The following COG6 variants were observed in gnomAD, a reference collection of about 807,000 sequenced individuals.
COG6 encodes component of oligomeric golgi complex 6, also known as conserved oligomeric Golgi complex subunit 6.
Under a neutral mutation model 88.8 loss-of-function variants are expected in COG6, and 74 were observed. The ratio of observed to expected loss-of-function variants is 0.83; its 90% CI spans 0.69 to 1.01. COG6 has a LOEUF of 1.01. Among genes scored for constraint, COG6 ranks in the 50% least tolerant of loss-of-function variants. The pLI is 0.00. For synonymous variants in COG6, 286 were observed against 278.7 expected (o/e 1.03, Z -0.26); for missense variants, 800 against 797.9 (o/e 1.00, Z -0.03).
chr13:39,669,822 T>C (rs1415923246), intron 4 of COG6, among the ~76,000 whole-genome samples: 1 of 152,210 alleles, frequency 6.6e-6, no homozygotes, highest in African/African-American at 2.4e-5. Context: ...TGAAAATTTA[T>C]GACATTCTGG....
chr13:39,666,137 A>G (rs1421302912), intron 4 of COG6, among the ~76,000 whole-genome samples: 4 of 152,220 alleles, frequency 2.6e-5, no homozygotes, highest in Admixed American at 6.5e-5. Flanking sequence ...TTTGTAGTTC[A>G]GGTCAAGATC....
intron 18 of COG6, among the ~76,000 whole-genome samples, chr13:39,776,473 G>C (rs1339846755): frequency 6.6e-6 from 1 of 152,186 alleles, no homozygotes; most frequent in African/African-American, 2.4e-5. Flanking sequence ...GTTATTGTTA[G>C]ATATTAGCCC....
At chr13:39,683,991 TG>T (rs1246778937) in intron 8 of COG6, among the ~76,000 whole-genome samples, 1 of 152,172 alleles carries the variant, frequency 6.6e-6, no homozygotes, top group Non-Finnish European at 1.5e-5. Flanking sequence ...AGGGTTGATG[TG>T]AAGATTAAGT....
intron 18 of COG6, among the ~76,000 whole-genome samples, chr13:39,781,231 C>T (rs1385855752): frequency 6.6e-6 from 1 of 152,072 alleles, no homozygotes; most frequent in African/African-American, 2.4e-5. Context: ...AGCTGCTACC[C>T]ACATAATACA....
At position 39,727,558 on chromosome 13, in the gene COG6, T is replaced by G. The variant is rs761944744; in HGVS notation, c.1826+10T>G. On this transcript the variant is annotated intron_variant, in intron 18 of 18. Transcript: ENST00000455146. ...TAAGTGCCACAGTGAAGTAAGTATT[T>G]TTGGTCCCAAGTAGTTGGTAAAGAT... 6.2e-7 allele frequency: 1 copy of G among 1,601,214 alleles called. No individual in the cohort carries two copies. Among genetic ancestry groups the G allele is most frequent in the African/African-American group, 1.3e-5 (1 of 74,644 alleles).
At chr13:39,698,385 A>T (rs1593433931) in intron 12 of COG6, among the ~76,000 whole-genome samples, 1 of 151,934 alleles carries the variant, frequency 6.6e-6, no homozygotes, top group East Asian at 1.9e-4. Context: ...TTTTTAACTA[A>T]AATACTTATT....
chr13:39,769,915 C>T (rs1230942396), intron 18 of COG6, among the ~76,000 whole-genome samples: 1 of 152,174 alleles, frequency 6.6e-6, no homozygotes, highest in Non-Finnish European at 1.5e-5. Context: ...TCTTGGACTT[C>T]CCAGCTCCTA....
intron 2 of COG6, 142 bp downstream of exon 2, chr13:39,659,649 C>A: frequency 1.5e-6 from 1 of 659,174 alleles, no homozygotes; most frequent in Admixed American, 2.7e-5. Context: ...ATTTCTCTTG[C>A]TGCATCTAGA....
intron 18 of COG6, among the ~76,000 whole-genome samples, chr13:39,731,467 C>G (rs1879450470): frequency 6.6e-6 from 1 of 152,114 alleles, no homozygotes; most frequent in Admixed American, 6.5e-5. Flanking sequence ...CAATATTCAC[C>G]TTATAGCAAT....
exon 19 of COG6, chr13:39,789,759 C>A (rs549819531): frequency 1.0e-4 from 16 of 152,390 alleles, no homozygotes; most frequent in Admixed American, 8.5e-4. Context: ...GAGCCACGTT[C>A]GTCAGGGATA....
At position 39,687,585 on chromosome 13, in the gene COG6, G is replaced by A. The variant is rs778787139; in HGVS notation, c.871G>A (p.Gly291Arg). 73 of 1,613,562 alleles carry A rather than the reference G, an allele frequency of 4.5e-5. No individual in the cohort carries two copies. The highest frequency in any genetic ancestry group is 6.6e-5 in the South Asian group (6 of 91,024). The change falls in exon 9 of 19, where the codon GGA (glycine) becomes AGA (arginine). Residue 291 changes from glycine (G) to arginine (R), a missense_variant. Coordinates refer to ENST00000455146, the MANE Select transcript of COG6 (RefSeq NM_020751.3). Reference protein sequence around the residue: ...FIDALTRGGPGGTPRPIEMHS... With the variant: ...FIDALTRGGPRGTPRPIEMHS... ...TGATGCGCTCACAAGAGGGGGCCCC[G>A]GAGGTACACCTAGACCAATTGAAAT... is the stretch of plus-strand genomic sequence containing the variant.
At chr13:39,699,755 C>G (rs1424684867) in intron 13 of COG6, 137 bp downstream of exon 13, 7 of 630,182 alleles carry the variant, frequency 1.1e-5, no homozygotes, top group Non-Finnish European at 2.0e-5. Flanking sequence ...CAACAACTTT[C>G]ATTTTGAGAT....
At chr13:39,706,767 T>G (rs1403817768) in intron 13 of COG6, among the ~76,000 whole-genome samples, 1 of 151,936 alleles carries the variant, frequency 6.6e-6, no homozygotes, top group African/African-American at 2.4e-5. Flanking sequence ...CACTGCAACC[T>G]CCTCCTCCTG....
At chr13:39,789,509 AC>A (rs1221128916) in exon 19 of COG6, 1 of 151,936 alleles carries the variant, frequency 6.6e-6, no homozygotes, top group East Asian at 1.9e-4. Flanking sequence ...CATTCCAATC[AC>A]CTGCTCCACC....
At chr13:39,686,401 C>T (rs1353425481) in intron 8 of COG6, among the ~76,000 whole-genome samples, 1 of 152,148 alleles carries the variant, frequency 6.6e-6, no homozygotes, top group Non-Finnish European at 1.5e-5. Flanking sequence ...AGCTCCAGGC[C>T]ATTTTTATAA....
intron 18 of COG6, among the ~76,000 whole-genome samples, chr13:39,760,453 A>G (rs539323790): frequency 3.3e-5 from 5 of 152,304 alleles, no homozygotes; most frequent in African/African-American, 1.2e-4. Context: ...AGCATTAAAA[A>G]GCCAAAAAGG....
chr13:39,678,881 TC>T (rs1876133927), intron 5 of COG6, among the ~76,000 whole-genome samples: 1 of 151,934 alleles, frequency 6.6e-6, no homozygotes, highest in African/African-American at 2.4e-5. Flanking sequence ...ATTTGACATA[TC>T]ATTTTTTCTC....
In COG6 at chr13:39,694,524, T is replaced by A. The variant is rs1383763409; in HGVS notation, c.1075-110T>A. Reference sequence around the variant, plus strand: ...ATTATTTAGGAGGCATTTTGTGATCTCTGCAGTAATAAAATTTTATCTTTG... The same window carrying A: ...ATTATTTAGGAGGCATTTTGTGATCACTGCAGTAATAAAATTTTATCTTTG... On this transcript the variant is annotated intron_variant, in intron 11 of 18. Coordinates refer to ENST00000455146, the MANE Select transcript of COG6 (RefSeq NM_020751.3). 3 of 644,000 alleles carry A rather than the reference T, an allele frequency of 4.7e-6. No homozygotes were observed. In the Admixed American group the frequency reaches 7.6e-5, roughly 16 times the overall value. 39.9% of individuals were successfully genotyped at this position (644,000 alleles called of 1,614,324 possible).
Position 39,724,567 on chromosome 13 carries a change from T to G in COG6, c.1746+6T>G. ...TGACACTGAAGGCTGCAATGGTAAG[T>G]GTATAATAAAACATTTTAATTTAGA... is the stretch of plus-strand genomic sequence containing the variant. On this transcript the variant is annotated splice_donor_region_variant and intron_variant, in intron 17 of 18. Coordinates refer to ENST00000455146, the MANE Select transcript of COG6 (RefSeq NM_020751.3). 6.3e-7 allele frequency: 1 copy of G among 1,586,980 alleles called. No homozygotes were observed. The highest frequency in any genetic ancestry group is 8.6e-7 in the Non-Finnish European group (1 of 1,156,526).
Sources: allele counts gnomAD v4.1 joint callset (sites outside exome capture counted in the v4.1 genomes callset), GRCh38; gene constraint gnomAD v4.1.1; transcripts MANE v1.5; gene names NCBI Gene and HGNC (gene_info 2026-07-23, HGNC 2026-07-21).